PLCB4: variants seen among roughly 807,000 people sequenced by gnomAD.
The protein encoded by PLCB4 is 1-phosphatidylinositol 4,5-bisphosphate phosphodiesterase beta-4.
A neutral mutation model predicts 178.8 loss-of-function variants in PLCB4; 77 were observed. That is an observed-to-expected ratio of 0.43 (90% CI 0.36 to 0.52). The LOEUF is 0.52. Among genes scored for constraint, PLCB4 ranks in the 20% least tolerant of loss-of-function variants. The pLI is 0.00. For synonymous variants in PLCB4, 496 were observed against 490.8 expected (o/e 1.01, Z -0.14); for missense variants, 1,024 against 1,453.4 (o/e 0.70, Z 4.80).
At chr20:9,389,649 A>G (rs1439216577) in intron 15 of PLCB4, among the ~76,000 whole-genome samples, 2 of 152,202 alleles carry the variant, frequency 1.3e-5, no homozygotes, top group African/African-American at 4.8e-5. Context: ...TAGCACCATA[A>G]TTCTGGAGAA....
At chr20:9,437,253 G>A in intron 30 of PLCB4, 101 bp downstream of exon 30, 1 of 1,089,718 alleles carries the variant, frequency 9.2e-7, no homozygotes, top group Non-Finnish European at 1.3e-6. Context: ...GAAGTTCTTT[G>A]TGGGAAAGAA....
chr20:9,470,740 C>G (rs949987719), intron 36 of PLCB4, among the ~76,000 whole-genome samples: 6 of 152,144 alleles, frequency 3.9e-5, no homozygotes, highest in African/African-American at 1.2e-4. Context: ...GAAAACTTTA[C>G]ATGTATACAA....
chr20:9,148,383 A>G (rs186115614), intron 2 of PLCB4, among the ~76,000 whole-genome samples: 1 of 152,276 alleles, frequency 6.6e-6, no homozygotes, highest in African/African-American at 2.4e-5. Context: ...TTGAAATAGG[A>G]AGAATAGAGA....
intron 28 of PLCB4, among the ~76,000 whole-genome samples, chr20:9,428,910 A>G (rs548940230): frequency 4.5e-4 from 69 of 152,288 alleles, no homozygotes; most frequent in African/African-American, 1.6e-3. Flanking sequence ...AGGAATTGCT[A>G]TCTTCATTTC....
chr20:9,168,095 G>A (rs2093002576), intron 2 of PLCB4, among the ~76,000 whole-genome samples: 1 of 152,134 alleles, frequency 6.6e-6, no homozygotes, highest in African/African-American at 2.4e-5. Flanking sequence ...ACCACTTTAT[G>A]TGCTTTTTAC....
At chr20:9,173,652 C>G (rs1300639965) in intron 2 of PLCB4, among the ~76,000 whole-genome samples, 1 of 152,166 alleles carries the variant, frequency 6.6e-6, no homozygotes, top group Non-Finnish European at 1.5e-5. Flanking sequence ...CCTCTGAACT[C>G]TGTTTCTATT....
chr20:9,299,232 A>T (rs559321615), intron 3 of PLCB4, among the ~76,000 whole-genome samples: 1 of 152,184 alleles, frequency 6.6e-6, no homozygotes, highest in South Asian at 2.1e-4. Context: ...AAACATAGAC[A>T]TTATTTTAAG....
intron 36 of PLCB4, among the ~76,000 whole-genome samples, chr20:9,470,053 G>A (rs538297015): frequency 3.3e-5 from 5 of 152,312 alleles, no homozygotes; most frequent in South Asian, 2.1e-4. Flanking sequence ...TATGAGCCAG[G>A]TGCAGTGGCT....
In PLCB4 at chr20:9,259,032, A is replaced by G. The variant is rs370282574; in HGVS notation, c.-16+41580A>G. On this transcript the variant is annotated intron_variant, in intron 3 of 39. Transcript: ENST00000378473. ...ATCTAAGACAATAGTTATTTGGCAA[A>G]TCTTTTAAAGCAGAACAAAAAGTTG... Among the ~76,000 whole-genome samples, 26 of 152,340 alleles carry G rather than the reference A, an allele frequency of 1.7e-4. No individual in the cohort carries two copies. The East Asian group carries it at 2.1e-3, about 12-fold the overall frequency.
chr20:9,399,010 G>A (rs2038824414), intron 19 of PLCB4, among the ~76,000 whole-genome samples: 1 of 152,098 alleles, frequency 6.6e-6, no homozygotes, highest in South Asian at 2.1e-4. Context: ...TTTTTAAAAA[G>A]GAGAAAGAAT....
chr20:9,258,006 A>G lies in PLCB4; in HGVS notation c.-16+40554A>G, dbSNP rs566916850. On this transcript the variant is annotated intron_variant, in intron 3 of 39. Transcript: ENST00000378473. ...GCAGAACTTTTCTAGAAAACAGAAC[A>G]AAGAACCAAGAGTTGGAAAAAAAAA... Among the ~76,000 whole-genome samples the G allele has an allele frequency of 2.0e-5, 3 of 152,198 alleles. No individual in the cohort carries two copies. The South Asian group carries it at 6.2e-4, about 32-fold the overall frequency.
At chr20:9,252,755 G>A (rs1392218725) in intron 3 of PLCB4, among the ~76,000 whole-genome samples, 2 of 152,188 alleles carry the variant, frequency 1.3e-5, no homozygotes, top group Admixed American at 6.5e-5. Flanking sequence ...GAATAGAACA[G>A]AAAAGCAGAG....
chr20:9,275,088 C>T (rs1410034295), intron 3 of PLCB4, among the ~76,000 whole-genome samples: 2 of 151,942 alleles, frequency 1.3e-5, no homozygotes, highest in Non-Finnish European at 2.9e-5. Context: ...TGTATTAGCC[C>T]GTTTTCATGC....
At chr20:9,234,939 G>A (rs927674048) in intron 3 of PLCB4, among the ~76,000 whole-genome samples, 2 of 152,192 alleles carry the variant, frequency 1.3e-5, no homozygotes, top group Non-Finnish European at 2.9e-5. Context: ...TTGGCCATCA[G>A]TTTTCTCCAG....
intron 28 of PLCB4, among the ~76,000 whole-genome samples, chr20:9,434,195 TA>T (rs2041613243): frequency 6.6e-6 from 1 of 152,084 alleles, no homozygotes; most frequent in Non-Finnish European, 1.5e-5. Flanking sequence ...TATTTGACAT[TA>T]AAAAATGGTG....
At chr20:9,201,052 A>G (rs2093538104) in intron 2 of PLCB4, among the ~76,000 whole-genome samples, 2 of 152,234 alleles carry the variant, frequency 1.3e-5, no homozygotes, top group East Asian at 1.9e-4. Context: ...TAAAAATTCC[A>G]TATCATATAT....
intron 3 of PLCB4, among the ~76,000 whole-genome samples, chr20:9,297,143 C>T (rs115935823): frequency 6.6e-6 from 1 of 151,264 alleles, no homozygotes; most frequent in Non-Finnish European, 1.5e-5. Context: ...TTTCCTCAGG[C>T]TTCTATAGCC....
At chr20:9,123,391 C>G (rs529495797) in intron 2 of PLCB4, among the ~76,000 whole-genome samples, 6 of 147,510 alleles carry the variant, frequency 4.1e-5, no homozygotes, top group Non-Finnish European at 1.5e-5. Context: ...CTAAATATCA[C>G]TCTTTTAAGA....
chr20:9,472,934 G>T, intron 37 of PLCB4, 87 bp downstream of exon 37: 1 of 729,684 alleles, frequency 1.4e-6, no homozygotes. Flanking sequence ...TAGCTAATTT[G>T]TTTAATTTGA....
Sources: gnomAD v4.1 joint callset for allele counts (sites outside exome capture counted in the v4.1 genomes callset) on GRCh38, gnomAD v4.1.1 for gene constraint, MANE v1.5 for transcripts, NCBI Gene and HGNC (gene_info 2026-07-23, HGNC 2026-07-21) for gene names.